The following OR6J1 variants were observed in gnomAD, a reference collection of about 807,000 sequenced individuals.
OR6J1 encodes olfactory receptor family 6 subfamily J member 1.
For synonymous variants in OR6J1, 109 were observed against 70.0 expected (o/e 1.56, Z -2.78); for missense variants, 304 against 166.8 (o/e 1.82, Z -4.53).
chr14:22,641,822 T>C (rs1048935966), intron 1 of OR6J1, among the ~76,000 whole-genome samples: 1 of 152,150 alleles, frequency 6.6e-6, no homozygotes, highest in Non-Finnish European at 1.5e-5. Context: ...AGTTTTTTCA[T>C]GGATATTTGT....
At position 22,639,664 on chromosome 14, in the gene OR6J1, C is replaced by G. The variant is rs576062334; in HGVS notation, c.-28+4434G>C. Among the ~76,000 whole-genome samples, 7 of 126,292 alleles carry G rather than the reference C, an allele frequency of 5.5e-5. No individual in the cohort carries two copies. The East Asian group carries it at 1.2e-3, about 22-fold the overall frequency. 82.9% of individuals were successfully genotyped at this position (126,292 alleles called of 152,430 possible). A position where few individuals can be genotyped will look rare whatever the true frequency, so the allele number is the denominator to read the frequency against. On this transcript the variant is annotated intron_variant, in intron 1 of 1. Transcript: ENST00000540461. ...AAGAAAAATTCCTCTGCCTTGGGAT[C>G]CTGTTGATCTGTGACCTTACCCCCA...
At position 22,641,476 on chromosome 14, in the gene OR6J1, AAAGG is replaced by A. The variant is rs1196060745; in HGVS notation, c.-28+2618_-28+2621del. Among the ~76,000 whole-genome samples the A allele has an allele frequency of 1.2e-3, 36 of 29,266 alleles. 1 individual carries two copies. Among genetic ancestry groups the A allele is most frequent in the Middle Eastern group, 0.014 (1 of 74 alleles). The allele number at this position is 29,266 out of a possible 152,430, so 19.2% of individuals were successfully genotyped here. ...AAGAAAGAAAGAAAGAAAAAGAAAG[AAAGG>A]AAGGAAGGAAGGAGGGAGGGAGGAA... is the stretch of plus-strand genomic sequence containing the variant. On this transcript the variant is annotated intron_variant, in intron 1 of 1. Coordinates refer to ENST00000540461, the MANE Select transcript of OR6J1 (RefSeq NM_001348233.2).
rs940277512 is a variant in OR6J1, at chr14:22,640,135, G to A, written c.-28+3963C>T. On this transcript the variant is annotated intron_variant, in intron 1 of 1. Transcript: ENST00000540461. ...ATTCTACTCCTAGGTAGAGAAACTT[G>A]CACATATGCCCCAGGAGACAAACAA... 9.6e-4 allele frequency among the ~76,000 whole-genome samples: 139 copies of A among 145,146 alleles called. 2 individuals are homozygous for A. Among genetic ancestry groups the A allele is most frequent in the African/African-American group, 3.2e-3 (129 of 39,704 alleles).
At chr14:22,635,224 A>C (rs2037575611) in intron 1 of OR6J1, among the ~76,000 whole-genome samples, 1 of 152,236 alleles carries the variant, frequency 6.6e-6, no homozygotes, top group South Asian at 2.1e-4. Context: ...AATTTTTTAC[A>C]ATAATGAAAA....
In OR6J1 at chr14:22,644,237, G is replaced by A. The variant is rs936552720; in HGVS notation, c.-167C>T. On this transcript the variant is annotated 5_prime_UTR_variant, in exon 1 of 2. Transcript: ENST00000540461. ...ACATGAGAGCAGCAGTGTTTGACAG[G>A]TGAAATGAGCCCTTCCCAACTCATG... 2.0e-5 allele frequency: 3 copies of A among 152,260 alleles called. No homozygotes were observed. The highest frequency in any genetic ancestry group is 7.2e-5 in the African/African-American group (3 of 41,456). The allele number at this position is 152,260 out of a possible 1,614,324, so 9.4% of individuals were successfully genotyped here. A position where few individuals can be genotyped will look rare whatever the true frequency, so the allele number is the denominator to read the frequency against.
chr14:22,644,093 C>T lies in OR6J1; in HGVS notation c.-28+5G>A, dbSNP rs2139300674. 1.3e-5 allele frequency: 2 copies of T among 152,586 alleles called. No individual in the cohort carries two copies. Among genetic ancestry groups the T allele is most frequent in the Admixed American group, 1.3e-4 (2 of 15,300 alleles). The allele number at this position is 152,586 out of a possible 1,614,324, so 9.5% of individuals were successfully genotyped here. A position where few individuals can be genotyped will look rare whatever the true frequency, so the allele number is the denominator to read the frequency against. ...CCAAATGCCAAACGATTGGTCTGCACTCACCTCGGCTAGGGTTGCCTTATG... is the reference window on the plus strand; with the variant it reads ...CCAAATGCCAAACGATTGGTCTGCATTCACCTCGGCTAGGGTTGCCTTATG... On this transcript the variant is annotated splice_donor_5th_base_variant and intron_variant, in intron 1 of 1. Transcript: ENST00000540461.
Position 22,633,672 on chromosome 14 carries a change from C to G in OR6J1, c.*96G>C, listed in dbSNP as rs867708152. 41 of 597,760 alleles carry G rather than the reference C, an allele frequency of 6.9e-5. 1 individual carries two copies. The South Asian group carries it at 8.4e-4, about 12-fold the overall frequency. 37.0% of individuals were successfully genotyped at this position (597,760 alleles called of 1,614,324 possible). On this transcript the variant is annotated 3_prime_UTR_variant, in exon 2 of 2. Coordinates refer to ENST00000540461, the MANE Select transcript of OR6J1 (RefSeq NM_001348233.2). ...AGATTAAAGTGAAAACCAAGGCCAG[C>G]GTTCAAGTCTCTGTCTCCGCAGTCA...
At position 22,639,217 on chromosome 14, in the gene OR6J1, G is replaced by C. The variant is rs555529574; in HGVS notation, c.-27-4379C>G. ...AGCGTCTCCGCCCGGCAGCCACCCC[G>C]TCCGGGAGGGAGGTGGTGGGGGGTC... On this transcript the variant is annotated intron_variant, in intron 1 of 1. Coordinates refer to ENST00000540461, the MANE Select transcript of OR6J1 (RefSeq NM_001348233.2). 1.5e-4 allele frequency among the ~76,000 whole-genome samples: 17 copies of C among 116,570 alleles called. 1 individual carries two copies. The highest frequency in any genetic ancestry group is 8.1e-4 in the African/African-American group (16 of 19,732). The allele number at this position is 116,570 out of a possible 152,430, so 76.5% of individuals were successfully genotyped here.
At position 22,631,455 on chromosome 14, in the gene OR6J1, A is replaced by G. The variant is rs896026543; in HGVS notation, c.*2313T>C. 4 of 152,166 alleles carry G rather than the reference A, an allele frequency of 2.6e-5. No homozygotes were observed. The highest frequency in any genetic ancestry group is 5.9e-5 in the Non-Finnish European group (4 of 68,034). The allele number at this position is 152,166 out of a possible 1,614,324, so 9.4% of individuals were successfully genotyped here. On this transcript the variant is annotated 3_prime_UTR_variant, in exon 2 of 2. Coordinates refer to ENST00000540461, the MANE Select transcript of OR6J1 (RefSeq NM_001348233.2). ...TGATATTCCTCCCATTTGCTTTTGA[A>G]AGAAGAGAAATATGGCTCTGTTCCC... is the stretch of plus-strand genomic sequence containing the variant.
At chr14:22,641,168 AAG>A (rs1221769057) in intron 1 of OR6J1, among the ~76,000 whole-genome samples, 7 of 140,044 alleles carry the variant, frequency 5.0e-5, no homozygotes, top group Admixed American at 1.5e-4. Flanking sequence ...TGAAGAAAGA[AAG>A]AGAGAGAGAG....
In OR6J1 at chr14:22,631,021, G is replaced by C. The variant is rs944614138; in HGVS notation, c.*2747C>G. On this transcript the variant is annotated 3_prime_UTR_variant, in exon 2 of 2. Transcript: ENST00000540461. ...CACAAAAACCAGCAAGTTTTTATTA[G>C]GGACTTTCAAAAGGGGAGGGAGTGT... 4 of 152,182 alleles carry C rather than the reference G, an allele frequency of 2.6e-5. No homozygotes were observed. The highest frequency in any genetic ancestry group is 4.4e-5 in the Non-Finnish European group (3 of 68,042). The allele number at this position is 152,182 out of a possible 1,614,324, so 9.4% of individuals were successfully genotyped here. A position where few individuals can be genotyped will look rare whatever the true frequency, so the allele number is the denominator to read the frequency against.
chr14:22,643,942 C>T (rs1470589469), intron 1 of OR6J1, among the ~76,000 whole-genome samples, 156 bp downstream of exon 1: 1 of 152,200 alleles, frequency 6.6e-6, no homozygotes, highest in African/African-American at 2.4e-5. Flanking sequence ...CAAAATACAT[C>T]TTTGCATAAG....
At chr14:22,641,059 C>T (rs2037641174) in intron 1 of OR6J1, among the ~76,000 whole-genome samples, 1 of 150,780 alleles carries the variant, frequency 6.6e-6, no homozygotes, top group African/African-American at 2.4e-5. Context: ...GTCCCAGCTA[C>T]TTGTGAAGCA....
chr14:22,638,625 C>T (rs1285484351), intron 1 of OR6J1, among the ~76,000 whole-genome samples: 7 of 67,984 alleles, frequency 1.0e-4, no homozygotes, highest in South Asian at 6.9e-4. Context: ...TCCCCCTCTG[C>T]GAGAAACACC....
At chr14:22,635,913 A>C (rs1349173563) in intron 1 of OR6J1, among the ~76,000 whole-genome samples, 2 of 152,168 alleles carry the variant, frequency 1.3e-5, no homozygotes, top group East Asian at 3.9e-4. Flanking sequence ...AAAAGTGCTA[A>C]ACAGAAAAGA....
chr14:22,634,102 A>AAT lies in OR6J1; in HGVS notation c.709_710insAT (p.Phe237TyrfsTer9). 1 of 703,170 alleles carries AAT rather than the reference A, an allele frequency of 1.4e-6. No individual in the cohort carries two copies. Among genetic ancestry groups the AAT allele is most frequent in the Non-Finnish European group, 2.6e-6 (1 of 384,920 alleles). 43.6% of individuals were successfully genotyped at this position (703,170 alleles called of 1,614,324 possible). On this transcript the variant is annotated frameshift_variant, in exon 2 of 2. Transcript: ENST00000540461. LOFTEE classifies it low-confidence loss of function (END_TRUNC). Reference sequence around the variant, plus strand: ...GGTCAGGTGGGAAGCACAGGTATTAAAGGCCTTCTTCCTTCCACTTGCAGA... The same window carrying AAT: ...GGTCAGGTGGGAAGCACAGGTATTAAATAGGCCTTCTTCCTTCCACTTGCAGA...
At chr14:22,637,571 T>C (rs1441074977) in intron 1 of OR6J1, among the ~76,000 whole-genome samples, 7 of 43,070 alleles carry the variant, frequency 1.6e-4, no homozygotes, top group Non-Finnish European at 2.6e-4. Flanking sequence ...AGCCGCCCCG[T>C]CCGGGAGGGA....
chr14:22,635,445 A>C (rs749843315), intron 1 of OR6J1, among the ~76,000 whole-genome samples: 3 of 152,240 alleles, frequency 2.0e-5, no homozygotes, highest in Non-Finnish European at 4.4e-5. Flanking sequence ...GTGTTTTTAA[A>C]GCAAGTTACA....
At chr14:22,642,829 G>T (rs188408804) in intron 1 of OR6J1, among the ~76,000 whole-genome samples, 1 of 151,716 alleles carries the variant, frequency 6.6e-6, no homozygotes, top group East Asian at 1.9e-4. Context: ...TAGAGACAGG[G>T]TCCTGCTCTG....
Sources: gnomAD v4.1 joint callset for allele counts (sites outside exome capture counted in the v4.1 genomes callset) on GRCh38, gnomAD v4.1.1 for gene constraint, MANE v1.5 for transcripts, NCBI Gene and HGNC (gene_info 2026-07-23, HGNC 2026-07-21) for gene names.